Variants in IQCK observed in about 807,000 individuals in gnomAD.
IQCK encodes IQ motif containing K, also known as IQ domain-containing protein K.
A neutral mutation model predicts 28.1 loss-of-function variants in IQCK; 29 were observed. The observed-to-expected ratio is 1.03, with a 90% CI of 0.77 to 1.41. IQCK has a LOEUF of 1.41. Ranked by LOEUF, IQCK falls within the 40% of genes most tolerant of loss-of-function variation. The probability of loss-of-function intolerance (pLI) is 0.00; values close to 1 mark genes in which losing one functional copy is unlikely to be tolerated. For missense variants in IQCK, 359 were observed against 314.7 expected (o/e 1.14, Z -1.07); for synonymous variants, 113 against 115.1 (o/e 0.98, Z 0.12).
At chr16:19,746,033 G>A (rs1459230393) in intron 4 of IQCK, among the ~76,000 whole-genome samples, 5 of 152,054 alleles carry the variant, frequency 3.3e-5, no homozygotes, top group African/African-American at 1.2e-4. Flanking sequence ...GCTAGGCCTG[G>A]TGGCATGTGC....
At chr16:19,739,600 A>G (rs1212877347) in intron 4 of IQCK, among the ~76,000 whole-genome samples, 2 of 152,022 alleles carry the variant, frequency 1.3e-5, no homozygotes, top group Admixed American at 1.3e-4. Context: ...GGATCACTGG[A>G]GCTTAGGAGT....
chr16:19,718,342 G>A (rs1056061060), exon 1 of IQCK: 1 of 1,610,230 alleles, frequency 6.2e-7, no homozygotes, highest in South Asian at 1.1e-5. Flanking sequence ...GCCACATAGT[G>A]CGCCTCAAGC....
chr16:19,751,436 C>G (rs2054985624), intron 4 of IQCK, among the ~76,000 whole-genome samples: 1 of 151,972 alleles, frequency 6.6e-6, no homozygotes, highest in Non-Finnish European at 1.5e-5. Context: ...TATGATCACA[C>G]CACTGCACTC....
intron 7 of IQCK, among the ~76,000 whole-genome samples, chr16:19,810,374 G>C (rs2055887927): frequency 6.6e-6 from 1 of 151,948 alleles, no homozygotes; most frequent in Non-Finnish European, 1.5e-5. Flanking sequence ...GCGGGTGCCT[G>C]TAGTCCCAGC....
intron 4 of IQCK, among the ~76,000 whole-genome samples, chr16:19,742,587 T>C (rs1458355725): frequency 6.6e-6 from 1 of 152,228 alleles, no homozygotes; most frequent in Non-Finnish European, 1.5e-5. Context: ...GGGGCATTTT[T>C]ATCTGTCACC....
intron 7 of IQCK, among the ~76,000 whole-genome samples, chr16:19,806,803 G>A (rs1013934559): frequency 2.0e-5 from 3 of 148,930 alleles, no homozygotes. Context: ...TAGAATCAAA[G>A]GTGAGCTTTC....
intron 3 of IQCK, chr16:19,734,086 C>T (rs1015363392): frequency 2.3e-5 from 8 of 344,494 alleles, no homozygotes; most frequent in Non-Finnish European, 3.7e-5. Flanking sequence ...GAACAGTAAA[C>T]ACATGTAGCC....
chr16:19,846,819 T>G (rs1232512751), intron 9 of IQCK, among the ~76,000 whole-genome samples: 1 of 151,438 alleles, frequency 6.6e-6, no homozygotes, highest in Non-Finnish European at 1.5e-5. Context: ...GGGCATAGAT[T>G]TTTTTTTTCT....
intron 9 of IQCK, among the ~76,000 whole-genome samples, chr16:19,845,911 C>A (rs1253383189): frequency 6.6e-6 from 1 of 151,756 alleles, no homozygotes; most frequent in African/African-American, 2.4e-5. Flanking sequence ...CCCATCTCTA[C>A]CAAGGACACA....
chr16:19,727,803 A>G (rs1010985530), intron 1 of IQCK, among the ~76,000 whole-genome samples: 7 of 152,094 alleles, frequency 4.6e-5, no homozygotes, highest in African/African-American at 1.7e-4. Context: ...CACTATAGCA[A>G]TGGTTCCCAA....
chr16:19,832,074 G>A (rs536096650), downstream of IQCK, among the ~76,000 whole-genome samples: 14 of 151,782 alleles, frequency 9.2e-5, no homozygotes, highest in Admixed American at 4.0e-4. Flanking sequence ...ATCGTGTCTC[G>A]ATTAATAGCA....
chr16:19,841,047 A>G (rs1011576620), intron 9 of IQCK, among the ~76,000 whole-genome samples: 8 of 152,248 alleles, frequency 5.3e-5, no homozygotes, highest in African/African-American at 1.9e-4. Flanking sequence ...TAGGATGTGA[A>G]CAGCTAAAGC....
chr16:19,749,100 G>C (rs2151697288), intron 4 of IQCK, among the ~76,000 whole-genome samples: 1 of 152,228 alleles, frequency 6.6e-6, no homozygotes, highest in Admixed American at 6.5e-5. Context: ...GGAAAAGCCA[G>C]GTCATAAACT....
intron 6 of IQCK, among the ~76,000 whole-genome samples, chr16:19,776,579 C>A (rs967790186): frequency 1.3e-5 from 2 of 152,118 alleles, no homozygotes; most frequent in Non-Finnish European, 2.9e-5. Context: ...TTGTGGTGCA[C>A]GCCTGTAATA....
intron 6 of IQCK, among the ~76,000 whole-genome samples, chr16:19,774,020 T>C (rs781208056): frequency 8.6e-5 from 13 of 152,044 alleles, no homozygotes; most frequent in African/African-American, 1.7e-4. Flanking sequence ...GCATAGATAA[T>C]GAAGTAGCTG....
chr16:19,772,756 G>A (rs1247003086), intron 6 of IQCK, among the ~76,000 whole-genome samples: 2 of 152,146 alleles, frequency 1.3e-5, no homozygotes, highest in African/African-American at 4.8e-5. Flanking sequence ...ATGCCTGCCA[G>A]CACTTTGGGA....
chr16:19,730,412 T>C lies in IQCK; in HGVS notation c.182-18T>C. 2.5e-6 allele frequency: 4 copies of C among 1,576,416 alleles called. No homozygotes were observed. The highest frequency in any genetic ancestry group is 3.4e-6 in the Non-Finnish European group (4 of 1,162,656). On this transcript the variant is annotated intron_variant, in intron 1 of 7. Coordinates refer to ENST00000564186, the Ensembl canonical transcript of IQCK. ...TAGTGAAGTATGGAATTGAGGATTT[T>C]TTTTCCCTTCCCTTTAGAGTATGAA...
At position 19,730,473 on chromosome 16, in the gene IQCK, C is replaced by CA; in HGVS notation, c.228dup (p.Gln77ThrfsTer41). Reference sequence around the variant, plus strand: ...CTCCCTTTCCAGAAGGATATAAAGTCAAACAGGAGCCTGTGATTACGGTGA... The same window carrying CA: ...CTCCCTTTCCAGAAGGATATAAAGTCAAAACAGGAGCCTGTGATTACGGTGA... On this transcript the variant is annotated frameshift_variant, in exon 2 of 8. Coordinates refer to ENST00000564186, the Ensembl canonical transcript of IQCK. LOFTEE classifies it high-confidence loss of function. 6.2e-7 allele frequency: 1 copy of CA among 1,607,928 alleles called. No individual in the cohort carries two copies. Among genetic ancestry groups the CA allele is most frequent in the Non-Finnish European group, 8.5e-7 (1 of 1,177,096 alleles).
chr16:19,820,509 C>T lies in IQCK; in HGVS notation c.691-6517C>T, dbSNP rs1026653271. On this transcript the variant is annotated intron_variant, in intron 7 of 7. Transcript: ENST00000564186. ...CTAAAAATACAAAAAATTAGCTGGG[C>T]GCAGGGGCGGGCGCCTGTAGTCCCA... Among the ~76,000 whole-genome samples, 6 of 151,920 alleles carry T rather than the reference C, an allele frequency of 3.9e-5. No individual in the cohort carries two copies. In the South Asian group the frequency reaches 8.3e-4, roughly 21 times the overall value.
Sources: gnomAD v4.1 joint callset for allele counts (sites outside exome capture counted in the v4.1 genomes callset) on GRCh38, gnomAD v4.1.1 for gene constraint, MANE v1.5 for transcripts, NCBI Gene and HGNC (gene_info 2026-07-23, HGNC 2026-07-21) for gene names.